Variants in TNFSF4 observed in about 807,000 individuals in gnomAD.
The protein encoded by TNFSF4 is TNF superfamily member 4, also known as tumor necrosis factor ligand superfamily member 4.
TNFSF4 carries 4 observed loss-of-function variants against 7.3 expected under a neutral mutation model. The ratio of observed to expected loss-of-function variants is 0.55; its 90% CI spans 0.27 to 1.25. The LOEUF is 1.25. Among genes scored for constraint, TNFSF4 ranks in the 50% most tolerant of loss-of-function variants. The pLI is 0.12. For synonymous variants in TNFSF4, 76 were observed against 83.7 expected, an observed-to-expected ratio of 0.91 and a Z score of 0.50; for missense variants, 181 against 208.8, an observed-to-expected ratio of 0.87 and a Z score of 0.82.
chr1:173,193,672 G>A (rs767368524), intron 1 of TNFSF4, among the ~76,000 whole-genome samples: 11 of 150,766 alleles, frequency 7.3e-5, no homozygotes, highest in East Asian at 5.8e-4. Flanking sequence ...AGAAGTTGCC[G>A]TACAGATGAT....
At chr1:173,339,532 A>G in the TNFSF4 span, among the ~76,000 whole-genome samples, 1 of 152,206 alleles carries the variant, frequency 6.6e-6, no homozygotes, top group Non-Finnish European at 1.5e-5. Context: ...TTTGTTATGA[A>G]TATGATTGTA....
the TNFSF4 span, among the ~76,000 whole-genome samples, chr1:173,293,181 A>G: frequency 6.6e-6 from 1 of 152,116 alleles, no homozygotes; most frequent in Non-Finnish European, 1.5e-5. Context: ...AATAGAACAC[A>G]GCCAAAGACA....
At chr1:173,264,214 C>T in the TNFSF4 span, among the ~76,000 whole-genome samples, 1 of 152,052 alleles carries the variant, frequency 6.6e-6, no homozygotes, top group South Asian at 2.1e-4. Flanking sequence ...CATGAGTGAT[C>T]ACTGCTCAAT....
intron 1 of TNFSF4, among the ~76,000 whole-genome samples, chr1:173,195,536 A>T (rs1337341315): frequency 6.6e-6 from 1 of 152,196 alleles, no homozygotes; most frequent in Non-Finnish European, 1.5e-5. Context: ...AAAGTGTCTG[A>T]TATCTGGCAT....
the TNFSF4 span, among the ~76,000 whole-genome samples, chr1:173,348,604 C>T: frequency 1.8e-4 from 28 of 151,930 alleles, no homozygotes; most frequent in Non-Finnish European, 3.8e-4. Context: ...AGAAAGAAAA[C>T]CAACAAAGCC....
chr1:173,228,066 T>C, the TNFSF4 span, among the ~76,000 whole-genome samples: 1 of 152,204 alleles, frequency 6.6e-6, no homozygotes, highest in Admixed American at 6.5e-5. Flanking sequence ...AATGTCCCTG[T>C]TTGAAGAGGA....
At chr1:173,241,168 C>T in the TNFSF4 span, among the ~76,000 whole-genome samples, 1 of 152,192 alleles carries the variant, frequency 6.6e-6, no homozygotes, top group Non-Finnish European at 1.5e-5. Context: ...GGAGCCTAGT[C>T]TTACCAGGAA....
At chr1:173,181,466 C>T (rs1473623910), downstream of TNFSF4, among the ~76,000 whole-genome samples, 2 of 152,186 alleles carry the variant, frequency 1.3e-5, no homozygotes, top group Non-Finnish European at 2.9e-5. Flanking sequence ...TCCCTCTGTT[C>T]CCTCAGTAGA....
At chr1:173,443,443 T>C in the TNFSF4 span, among the ~76,000 whole-genome samples, 1 of 152,306 alleles carries the variant, frequency 6.6e-6, no homozygotes, top group Middle Eastern at 3.4e-3. Flanking sequence ...ATGCAGCCAT[T>C]TAAAATGATA....
At chr1:173,245,500 C>T in the TNFSF4 span, among the ~76,000 whole-genome samples, 1 of 152,108 alleles carries the variant, frequency 6.6e-6, no homozygotes. Context: ...TTATGGGGTA[C>T]AGCGTGATGT....
At chr1:173,395,021 TAGATAGATAGATAGATGATAGATA>T in the TNFSF4 span, among the ~76,000 whole-genome samples, 385 of 130,422 alleles carry the variant, frequency 3.0e-3, no homozygotes, top group Middle Eastern at 0.011. Flanking sequence ...GATAGATAGA[TAGATAGATAGATAGATGATAGATA>T]GATAGATAGA....
chr1:173,232,115 C>CCATCCTCTTTTA, the TNFSF4 span, among the ~76,000 whole-genome samples: 1 of 152,118 alleles, frequency 6.6e-6, no homozygotes, highest in Non-Finnish European at 1.5e-5. Flanking sequence ...GAATGTTCTT[C>CCATCCTCTTTTA]CGTTTGCTTG....
chr1:173,417,541 C>T, the TNFSF4 span, among the ~76,000 whole-genome samples: 23 of 152,216 alleles, frequency 1.5e-4, no homozygotes, highest in Middle Eastern at 3.4e-3. Context: ...AAGTTACAAG[C>T]CATCAATAAC....
the TNFSF4 span, among the ~76,000 whole-genome samples, chr1:173,334,434 C>T: frequency 2.0e-5 from 3 of 152,224 alleles, no homozygotes; most frequent in Admixed American, 6.5e-5. Context: ...AAGTTCTCTG[C>T]TTAAACTGTG....
the TNFSF4 span, among the ~76,000 whole-genome samples, chr1:173,229,073 C>T: frequency 6.6e-6 from 1 of 152,132 alleles, no homozygotes; most frequent in African/African-American, 2.4e-5. Context: ...TCAGGAAATA[C>T]AGAGAACACC....
upstream of TNFSF4, among the ~76,000 whole-genome samples, chr1:173,207,615 C>T (rs1449954934): frequency 6.6e-6 from 1 of 152,102 alleles, no homozygotes; most frequent in African/African-American, 2.4e-5. Flanking sequence ...GCTCATATAT[C>T]CCTTCCCCAA....
the TNFSF4 span, among the ~76,000 whole-genome samples, chr1:173,298,395 T>A: frequency 7.8e-4 from 118 of 152,054 alleles, no homozygotes; most frequent in Non-Finnish European, 1.3e-3. Flanking sequence ...GTCAGCTGAT[T>A]TGTCTGTCTA....
the TNFSF4 span, among the ~76,000 whole-genome samples, chr1:173,291,561 T>C: frequency 5.3e-3 from 813 of 152,150 alleles, 10 homozygotes; most frequent in Middle Eastern, 0.058. Context: ...GATCTCAAAT[T>C]AATAACCTAA....
chr1:173,396,626 A>C, the TNFSF4 span, among the ~76,000 whole-genome samples: 2 of 152,214 alleles, frequency 1.3e-5, no homozygotes, highest in Non-Finnish European at 2.9e-5. Flanking sequence ...GAGCTCAAGG[A>C]ATTAGAAAGG....
Sources: gnomAD v4.1 joint callset for allele counts (sites outside exome capture counted in the v4.1 genomes callset) on GRCh38, gnomAD v4.1.1 for gene constraint, MANE v1.5 for transcripts, NCBI Gene and HGNC (gene_info 2026-07-23, HGNC 2026-07-21) for gene names.